The following DAB1 variants were observed in gnomAD, a reference collection of about 807,000 sequenced individuals.
The protein encoded by DAB1 is disabled homolog 1.
Under a neutral mutation model 64.6 loss-of-function variants are expected in DAB1, and 15 were observed. The observed-to-expected ratio is 0.23, with a 90% CI of 0.16 to 0.36. DAB1 has a LOEUF of 0.36. Among genes scored for constraint, DAB1 ranks in the 10% least tolerant of loss-of-function variants. The pLI is 1.00. For synonymous variants in DAB1, 235 were observed against 251.9 expected (o/e 0.93, Z 0.64); for missense variants, 596 against 706.7 (o/e 0.84, Z 1.78).
chr1:57,803,432 T>C (rs12133585), intron 6 of DAB1, among the ~76,000 whole-genome samples: 25,502 of 152,234 alleles, frequency 0.17, 2,524 homozygotes, highest in Admixed American at 0.31. Flanking sequence ...ATGCCTACCA[T>C]TGGGGAACCC....
chr1:58,504,299 G>C (rs1355160337), intron 3 of DAB1, among the ~76,000 whole-genome samples: 2 of 152,062 alleles, frequency 1.3e-5, no homozygotes, highest in African/African-American at 4.8e-5. Flanking sequence ...TGTCTTCCTT[G>C]CTATTCCTTG....
intron 7 of DAB1, among the ~76,000 whole-genome samples, chr1:57,585,205 A>G (rs1045307582): frequency 2.1e-5 from 3 of 146,200 alleles, no homozygotes; most frequent in Admixed American, 7.0e-5. Flanking sequence ...GCCAAGATCA[A>G]GCCACTGCAC....
chr1:58,262,166 A>G (rs1426624637), intron 4 of DAB1, among the ~76,000 whole-genome samples: 1 of 152,200 alleles, frequency 6.6e-6, no homozygotes, highest in African/African-American at 2.4e-5. Context: ...GTCCCCTAGA[A>G]CACTATCAGT....
At chr1:58,379,324 T>A (rs1644366648) in intron 3 of DAB1, among the ~76,000 whole-genome samples, 2 of 152,258 alleles carry the variant, frequency 1.3e-5, no homozygotes, top group Non-Finnish European at 2.9e-5. Context: ...TTAAATCATT[T>A]AGTAAATGTA....
At chr1:57,065,440 A>T (rs1184697473) in intron 8 of DAB1, among the ~76,000 whole-genome samples, 2 of 152,184 alleles carry the variant, frequency 1.3e-5, no homozygotes, top group African/African-American at 4.8e-5. Flanking sequence ...ACTGAAATAG[A>T]GTGTAAAGTG....
chr1:57,628,082 A>G (rs534241417), intron 7 of DAB1, among the ~76,000 whole-genome samples: 4 of 152,250 alleles, frequency 2.6e-5, no homozygotes, highest in South Asian at 4.1e-4. Context: ...AGAACACCCA[A>G]TTTGGGTTGA....
intron 7 of DAB1, among the ~76,000 whole-genome samples, chr1:57,497,615 C>T (rs1383168084): frequency 6.6e-6 from 1 of 152,180 alleles, no homozygotes. Flanking sequence ...GAGGAAGTGA[C>T]TTTCTGTGTA....
intron 9 of DAB1, among the ~76,000 whole-genome samples, chr1:57,057,855 G>A (rs145607977): frequency 0.044 from 6,725 of 152,010 alleles, 217 homozygotes; most frequent in Non-Finnish European, 0.063. Flanking sequence ...TGATCCGCCC[G>A]CCTTGGCCTC....
chr1:57,815,215 C>T (rs962893872), intron 6 of DAB1, among the ~76,000 whole-genome samples: 8 of 151,952 alleles, frequency 5.3e-5, no homozygotes, highest in Non-Finnish European at 2.9e-5. Context: ...ACTACAGGCA[C>T]CCGCCACCAC....
intron 3 of DAB1, among the ~76,000 whole-genome samples, chr1:58,350,514 T>G (rs1179218269): frequency 1.3e-5 from 2 of 152,220 alleles, no homozygotes; most frequent in Non-Finnish European, 2.9e-5. Context: ...TTTGGTGTTT[T>G]CATCATGAAG....
intron 7 of DAB1, among the ~76,000 whole-genome samples, chr1:57,648,640 TC>T (rs1307035626): frequency 6.6e-6 from 1 of 152,166 alleles, no homozygotes; most frequent in Non-Finnish European, 1.5e-5. Flanking sequence ...TTCCCCAAGG[TC>T]CCATAACAAA....
chr1:58,447,307 G>C (rs1266335436), intron 3 of DAB1, among the ~76,000 whole-genome samples: 3 of 152,258 alleles, frequency 2.0e-5, no homozygotes, highest in South Asian at 4.1e-4. Flanking sequence ...ATTTAAAGTT[G>C]TTTTGAAACA....
At chr1:57,085,908 C>A (rs1057508716) in intron 4 of DAB1, among the ~76,000 whole-genome samples, 4 of 152,140 alleles carry the variant, frequency 2.6e-5, no homozygotes, top group Non-Finnish European at 5.9e-5. Context: ...TTAGTAGGAA[C>A]TGACTAGATA....
intron 6 of DAB1, among the ~76,000 whole-genome samples, chr1:57,666,899 G>A (rs2101677977): frequency 6.6e-6 from 1 of 150,962 alleles, no homozygotes; most frequent in Admixed American, 6.6e-5. Flanking sequence ...GGAAGGGGAG[G>A]GGGAGAGAGA....
At position 56,995,446 on chromosome 1, in the gene DAB1, A is replaced by C. The variant is rs1178481393; in HGVS notation, c.*2698T>G. 2.0e-5 allele frequency: 3 copies of C among 152,316 alleles called. No individual in the cohort carries two copies. In the East Asian group the frequency reaches 5.8e-4, roughly 29 times the overall value. The allele number at this position is 152,316 out of a possible 1,614,324, so 9.4% of individuals were successfully genotyped here. ...ATGAGAATATGGATGGCAGTTGAAAAACTTGACTTTATTTCCCTTACTTTA... is the reference window on the plus strand; with the variant it reads ...ATGAGAATATGGATGGCAGTTGAAACACTTGACTTTATTTCCCTTACTTTA... On this transcript the variant is annotated 3_prime_UTR_variant, in exon 15 of 15. Coordinates refer to ENST00000371236, the MANE Select transcript of DAB1 (RefSeq NM_001365792.1).
chr1:58,374,498 A>G (rs1027815949), intron 3 of DAB1, among the ~76,000 whole-genome samples: 2 of 151,778 alleles, frequency 1.3e-5, no homozygotes, highest in East Asian at 3.9e-4. Context: ...GTAGGTAAGC[A>G]GCGTTATTTC....
At chr1:58,233,499 C>A (rs183805409) in intron 4 of DAB1, among the ~76,000 whole-genome samples, 1 of 152,114 alleles carries the variant, frequency 6.6e-6, no homozygotes, top group Admixed American at 6.6e-5. Flanking sequence ...GCCTGCAGTG[C>A]GAGGAGCTGG....
chr1:58,161,990 T>G (rs1486006421), intron 4 of DAB1, among the ~76,000 whole-genome samples: 1 of 152,094 alleles, frequency 6.6e-6, no homozygotes, highest in East Asian at 1.9e-4. Context: ...TTAGGAGGCT[T>G]TGCAATGGTC....
chr1:58,355,162 G>C (rs554258467), intron 3 of DAB1, among the ~76,000 whole-genome samples: 1 of 152,294 alleles, frequency 6.6e-6, no homozygotes, highest in East Asian at 1.9e-4. Context: ...ACAGACTTCA[G>C]AGACTTAAAA....
Sources: gnomAD v4.1 joint callset for allele counts (sites outside exome capture counted in the v4.1 genomes callset) on GRCh38, gnomAD v4.1.1 for gene constraint, MANE v1.5 for transcripts, NCBI Gene and HGNC (gene_info 2026-07-23, HGNC 2026-07-21) for gene names.